The following CATSPERE variants were observed in gnomAD, a reference collection of about 807,000 sequenced individuals.
CATSPERE encodes the protein cation channel sperm-associated auxiliary subunit epsilon.
A neutral mutation model predicts 114.1 loss-of-function variants in CATSPERE; 93 were observed. The ratio of observed to expected loss-of-function variants is 0.81; its 90% CI spans 0.69 to 0.97. The LOEUF (loss-of-function observed/expected upper bound fraction) is 0.97. CATSPERE is among the 50% of genes least tolerant of loss of function. The pLI, the probability that CATSPERE is intolerant of heterozygous loss-of-function variation, is 0.00. For missense variants in CATSPERE, 1,058 were observed against 1,131.6 expected (o/e 0.93, Z 0.93); for synonymous variants, 341 against 384.1 (o/e 0.89, Z 1.31).
intron 7 of CATSPERE, among the ~76,000 whole-genome samples, chr1:244,510,673 A>G (rs1572475556): frequency 3.3e-5 from 5 of 152,104 alleles, no homozygotes; most frequent in Admixed American, 2.6e-4. Context: ...TTGATTTTCT[A>G]TCTAGAGTTC....
At chr1:244,497,617 C>T (rs548194347) in intron 6 of CATSPERE, among the ~76,000 whole-genome samples, 249 of 151,878 alleles carry the variant, frequency 1.6e-3, no homozygotes, top group African/African-American at 5.2e-3. Context: ...GCCAACATGG[C>T]GAAACCCCAT....
At chr1:244,521,898 A>T (rs1677636300) in intron 8 of CATSPERE, among the ~76,000 whole-genome samples, 1 of 150,646 alleles carries the variant, frequency 6.6e-6, no homozygotes, top group South Asian at 2.1e-4. Context: ...TTAGAAAGTC[A>T]TTGGTGAGAC....
intron 7 of CATSPERE, among the ~76,000 whole-genome samples, chr1:244,502,036 C>T (rs1420293565): frequency 1.3e-5 from 2 of 152,126 alleles, no homozygotes; most frequent in African/African-American, 4.8e-5. Flanking sequence ...TTTTAGGTCT[C>T]TAATTAGGTG....
chr1:244,600,755 G>A (rs529994143), intron 17 of CATSPERE, among the ~76,000 whole-genome samples: 1 of 146,270 alleles, frequency 6.8e-6, no homozygotes. Flanking sequence ...TCAAAGAATC[G>A]ATCATCAAAT....
At chr1:244,459,234 A>T (rs984147255), upstream of CATSPERE, among the ~76,000 whole-genome samples, 4 of 152,046 alleles carry the variant, frequency 2.6e-5, no homozygotes, top group Admixed American at 6.6e-5. Flanking sequence ...ATGCATCACC[A>T]TGCCCAGCTA....
intron 5 of CATSPERE, among the ~76,000 whole-genome samples, chr1:244,489,007 A>G (rs954507131): frequency 6.6e-6 from 1 of 152,252 alleles, no homozygotes; most frequent in African/African-American, 2.4e-5. Context: ...ATGGAAGGAC[A>G]TAGTCATGAG....
chr1:244,553,333 G>C (rs538813713), intron 9 of CATSPERE, among the ~76,000 whole-genome samples: 173 of 151,822 alleles, frequency 1.1e-3, no homozygotes, highest in Middle Eastern at 6.8e-3. Context: ...AGGCCGAGGC[G>C]GGCAGATCAC....
At chr1:244,451,656 G>A, upstream of CATSPERE, 1 of 1,610,552 alleles carries the variant, frequency 6.2e-7, no homozygotes, top group Admixed American at 1.7e-5. This position sits in a 1 kb window ranked among gnomAD's most constrained non-coding sequence, Gnocchi z 6.6. Context: ...ACACGATGTC[G>A]GCGTCCTGCG....
intron 13 of CATSPERE, among the ~76,000 whole-genome samples, chr1:244,584,857 C>T (rs1255476011): frequency 1.3e-5 from 2 of 152,078 alleles, no homozygotes; most frequent in Non-Finnish European, 2.9e-5. Context: ...ACGCTGCTTC[C>T]CCAGGAAATC....
intron 20 of CATSPERE, among the ~76,000 whole-genome samples, chr1:244,620,445 G>C (rs1303666075): frequency 6.6e-6 from 1 of 152,174 alleles, no homozygotes; most frequent in African/African-American, 2.4e-5. Flanking sequence ...TGAGTGGGTC[G>C]TGGGGAGAAT....
intron 18 of CATSPERE, 35 bp from the exon 19 acceptor site, chr1:244,610,205 C>A: frequency 7.2e-7 from 1 of 1,386,138 alleles, no homozygotes; most frequent in Non-Finnish European, 1.0e-6. Flanking sequence ...ATGAAAACTT[C>A]TACCTACCCA....
chr1:244,500,666 G>A (rs544064968), intron 7 of CATSPERE, among the ~76,000 whole-genome samples: 131 of 152,086 alleles, frequency 8.6e-4, no homozygotes, highest in African/African-American at 3.0e-3. Flanking sequence ...AATGTGTGGC[G>A]TTATTTCTGA....
intron 6 of CATSPERE, among the ~76,000 whole-genome samples, chr1:244,494,805 A>G (rs1672840470): frequency 2.0e-5 from 3 of 152,298 alleles, no homozygotes; most frequent in Admixed American, 2.0e-4. Context: ...GTAGTAAAAA[A>G]AGATAAACTG....
chr1:244,523,029 C>T (rs1036405529), intron 8 of CATSPERE, among the ~76,000 whole-genome samples: 1 of 145,750 alleles, frequency 6.9e-6, no homozygotes, highest in African/African-American at 2.8e-5. Flanking sequence ...AGAGACACAA[C>T]CAAAAAAAGA....
chr1:244,495,946 A>T (rs750279242), intron 6 of CATSPERE, among the ~76,000 whole-genome samples: 11 of 152,240 alleles, frequency 7.2e-5, no homozygotes, highest in Non-Finnish European at 4.4e-5. Context: ...ACAACTTTGC[A>T]AGCAGTCAAA....
At chr1:244,560,529 A>G in intron 9 of CATSPERE, 139 bp from the exon 10 acceptor site, 1 of 456,632 alleles carries the variant, frequency 2.2e-6, no homozygotes, top group Middle Eastern at 6.1e-4. Flanking sequence ...TTATTCATAT[A>G]ACACCACCTG....
intron 8 of CATSPERE, among the ~76,000 whole-genome samples, chr1:244,528,785 CCACACACACACACACA>C (rs56746061): frequency 6.9e-5 from 9 of 130,536 alleles, no homozygotes; most frequent in Non-Finnish European, 1.3e-4. Context: ...CAATCCCCCA[CCACACACACACACACA>C]CACACACACA....
At chr1:244,566,679 T>TTTTTTTTTTTTTTTTC (rs1663594498) in intron 10 of CATSPERE, among the ~76,000 whole-genome samples, 1 of 120,962 alleles carries the variant, frequency 8.3e-6, no homozygotes, top group South Asian at 2.9e-4. Context: ...TTTTTTTTTT[T>TTTTTTTTTTTTTTTTC]TTTTTTTTGC....
At chr1:244,523,405 C>G (rs1381916001) in intron 8 of CATSPERE, among the ~76,000 whole-genome samples, 3 of 141,470 alleles carry the variant, frequency 2.1e-5, no homozygotes, top group Non-Finnish European at 4.5e-5. Flanking sequence ...AAACTGGAAG[C>G]ATTCCCTTTG....
Sources: allele counts gnomAD v4.1 joint callset (sites outside exome capture counted in the v4.1 genomes callset), GRCh38; gene constraint gnomAD v4.1.1; non-coding constraint Gnocchi (gnomAD v3.1); transcripts MANE v1.5; gene names NCBI Gene and HGNC (gene_info 2026-07-23, HGNC 2026-07-21).